The following FRMD4A variants were observed in gnomAD, a reference collection of about 807,000 sequenced individuals.
The protein encoded by FRMD4A is FERM domain-containing protein 4A.
In FRMD4A, 29 loss-of-function variants were observed where a neutral mutation model predicts 129.1. The ratio of observed to expected loss-of-function variants is 0.22; its 90% CI spans 0.17 to 0.31. The LOEUF (loss-of-function observed/expected upper bound fraction) is 0.31. FRMD4A is among the 10% of genes least tolerant of loss of function. FRMD4A has a pLI of 1.00. For synonymous variants in FRMD4A, 634 were observed against 571.6 expected (o/e 1.11, Z -1.56); for missense variants, 1,272 against 1,375.8 (o/e 0.92, Z 1.19).
chr10:13,933,894 G>C (rs913579420), intron 2 of FRMD4A, among the ~76,000 whole-genome samples: 1 of 152,184 alleles, frequency 6.6e-6, no homozygotes, highest in Non-Finnish European at 1.5e-5. Flanking sequence ...TGACCCATCA[G>C]GGAAGCTGAA....
intron 2 of FRMD4A, among the ~76,000 whole-genome samples, chr10:14,023,146 C>A (rs1208417255): frequency 6.6e-6 from 1 of 152,080 alleles, no homozygotes; most frequent in Non-Finnish European, 1.5e-5. Flanking sequence ...AATCTCCCAT[C>A]CCTGGAAACC....
chr10:14,078,980 C>A (rs766517551), intron 2 of FRMD4A, among the ~76,000 whole-genome samples: 1 of 152,186 alleles, frequency 6.6e-6, no homozygotes, highest in African/African-American at 2.4e-5. Flanking sequence ...GAAGGGTTTC[C>A]CTCAGAGCTT....
At chr10:13,706,451 C>T (rs1340516147) in intron 13 of FRMD4A, among the ~76,000 whole-genome samples, 1 of 152,148 alleles carries the variant, frequency 6.6e-6, no homozygotes, top group Non-Finnish European at 1.5e-5. Context: ...AACCCTGGTG[C>T]TCTCTGGGGT....
chr10:13,697,623 C>A (rs1213351666), intron 14 of FRMD4A, among the ~76,000 whole-genome samples: 2 of 151,704 alleles, frequency 1.3e-5, no homozygotes, highest in African/African-American at 4.9e-5. Flanking sequence ...TTGGCTGATA[C>A]ACGTGACTCA....
chr10:13,975,610 T>G (rs2095539605), intron 2 of FRMD4A, among the ~76,000 whole-genome samples: 1 of 152,026 alleles, frequency 6.6e-6, no homozygotes, highest in South Asian at 2.1e-4. Context: ...GTCTCGTGTG[T>G]GTCTATGTGT....
chr10:14,134,288 G>C (rs1010527555), intron 2 of FRMD4A, among the ~76,000 whole-genome samples: 1 of 151,166 alleles, frequency 6.6e-6, no homozygotes, highest in African/African-American at 2.5e-5. Context: ...TGGATGGATA[G>C]GTAGATAAAT....
rs917748754 is a variant in FRMD4A, at chr10:14,187,054, G to A, written c.45+143004C>T. On this transcript the variant is annotated intron_variant, in intron 2 of 24. Coordinates refer to ENST00000357447, the MANE Select transcript of FRMD4A (RefSeq NM_018027.5). ...AGATTGCCTGAGCCCAGGAGTTTGG[G>A]GAAGCAGTGAGTTGTGATCATGCCT... Among the ~76,000 whole-genome samples, 6 of 151,824 alleles carry A rather than the reference G, an allele frequency of 4.0e-5. No homozygotes were observed. The South Asian group carries it at 1.3e-3, about 32-fold the overall frequency.
chr10:14,060,453 G>A (rs913076991), intron 2 of FRMD4A, among the ~76,000 whole-genome samples: 2 of 152,104 alleles, frequency 1.3e-5, no homozygotes, highest in African/African-American at 4.8e-5. Flanking sequence ...TGTACTTAAG[G>A]GCATCTAAGG....
At chr10:14,220,629 C>T (rs1339134348) in intron 2 of FRMD4A, among the ~76,000 whole-genome samples, 3 of 152,152 alleles carry the variant, frequency 2.0e-5, no homozygotes, top group East Asian at 1.9e-4. Flanking sequence ...TCTGATTCTG[C>T]AGTAAATGAC....
At chr10:13,658,612 G>A (rs2082376290) in intron 21 of FRMD4A, among the ~76,000 whole-genome samples, 1 of 152,196 alleles carries the variant, frequency 6.6e-6, no homozygotes, top group Non-Finnish European at 1.5e-5. Context: ...TAGGAGCGGT[G>A]GCTCACGTCT....
chr10:14,029,592 C>T (rs188004234), intron 2 of FRMD4A, among the ~76,000 whole-genome samples: 1 of 152,292 alleles, frequency 6.6e-6, no homozygotes, highest in African/African-American at 2.4e-5. Flanking sequence ...AGCAAGATCA[C>T]ATATTTGAAG....
chr10:13,779,987 G>T (rs1025473199), intron 6 of FRMD4A, among the ~76,000 whole-genome samples: 1 of 152,116 alleles, frequency 6.6e-6, no homozygotes, highest in Non-Finnish European at 1.5e-5. Context: ...CATTCGTTAT[G>T]TGCATGCCGG....
At chr10:14,039,511 T>A (rs1206100362) in intron 2 of FRMD4A, among the ~76,000 whole-genome samples, 1 of 137,992 alleles carries the variant, frequency 7.2e-6, no homozygotes, top group Non-Finnish European at 1.6e-5. Context: ...TCTATCTATC[T>A]ATCTATCTAT....
intron 6 of FRMD4A, among the ~76,000 whole-genome samples, chr10:13,779,489 T>C (rs2092684444): frequency 1.3e-5 from 2 of 152,194 alleles, no homozygotes; most frequent in Non-Finnish European, 2.9e-5. Context: ...TTAAATTCCT[T>C]AGTAGAACTT....
At chr10:13,874,074 C>T (rs1221358099) in intron 2 of FRMD4A, among the ~76,000 whole-genome samples, 4 of 150,546 alleles carry the variant, frequency 2.7e-5, no homozygotes, top group African/African-American at 9.7e-5. Flanking sequence ...GGTGAAACCT[C>T]GTCTCTACTA....
rs533502907 is a variant in FRMD4A, at chr10:13,762,579, T to C, written c.441+45A>G. The C allele has an allele frequency of 3.7e-6, 4 of 1,086,994 alleles. No individual in the cohort carries two copies. The Admixed American group carries it at 5.3e-5, about 14-fold the overall frequency. 67.3% of individuals were successfully genotyped at this position (1,086,994 alleles called of 1,614,324 possible). A position where few individuals can be genotyped will look rare whatever the true frequency, so the allele number is the denominator to read the frequency against. ...CTGGTAAGTCTTACTTCCTTTCTTC[T>C]GTGTATGGCCGTGGGACATAAAGAG... is the stretch of plus-strand genomic sequence containing the variant. On this transcript the variant is annotated intron_variant, in intron 7 of 24. Coordinates refer to ENST00000357447, the MANE Select transcript of FRMD4A (RefSeq NM_018027.5).
At chr10:13,727,306 C>T (rs539748916) in intron 12 of FRMD4A, among the ~76,000 whole-genome samples, 26 of 152,340 alleles carry the variant, frequency 1.7e-4, no homozygotes, top group African/African-American at 5.8e-4. Context: ...ACCGACCAGC[C>T]TCTTTCTCCC....
At chr10:14,058,610 T>C (rs1237319804) in intron 2 of FRMD4A, among the ~76,000 whole-genome samples, 2 of 152,224 alleles carry the variant, frequency 1.3e-5, no homozygotes, top group Non-Finnish European at 2.9e-5. Context: ...GAACCTGATC[T>C]AGGGAGGCAC....
chr10:14,097,378 G>C (rs143399913), intron 2 of FRMD4A, among the ~76,000 whole-genome samples: 3 of 152,078 alleles, frequency 2.0e-5, no homozygotes, highest in Non-Finnish European at 4.4e-5. Flanking sequence ...AATAATTATT[G>C]TGATGATAAT....
Sources: gnomAD v4.1 joint callset for allele counts (sites outside exome capture counted in the v4.1 genomes callset) on GRCh38, gnomAD v4.1.1 for gene constraint, MANE v1.5 for transcripts, NCBI Gene and HGNC (gene_info 2026-07-23, HGNC 2026-07-21) for gene names.